Variants in NSD2 observed in about 807,000 individuals in gnomAD.
NSD2 encodes the protein histone-lysine N-methyltransferase NSD2.
NSD2 carries 12 observed loss-of-function variants against 139.0 expected under a neutral mutation model. That is an observed-to-expected ratio of 0.09 (90% CI 0.06 to 0.14). The LOEUF (loss-of-function observed/expected upper bound fraction) is 0.14, where lower values mean the gene tolerates loss of function less well. NSD2 is among the 10% of genes least tolerant of loss of function. NSD2 has a pLI of 1.00. For missense variants in NSD2, 1,155 were observed against 1,745.0 expected, an observed-to-expected ratio of 0.66 and a Z score of 6.02; for synonymous variants, 669 against 648.7, an observed-to-expected ratio of 1.03 and a Z score of -0.48.
At chr4:1,940,350 C>G (rs539388425) in intron 9 of NSD2, 2 of 1,067,672 alleles carry the variant, frequency 1.9e-6, no homozygotes, top group African/African-American at 3.3e-5. Context: ...TAATATGACT[C>G]CTGTGTTCTG....
chr4:1,871,777 C>T (rs1329954592), intron 1 of NSD2, among the ~76,000 whole-genome samples: 5 of 147,076 alleles, frequency 3.4e-5, no homozygotes, highest in Non-Finnish European at 6.0e-5. Context: ...CCGCGGAGGC[C>T]TGAGGGCCGG....
intron 8 of NSD2, chr4:1,939,239 C>T (rs558942784): frequency 2.1e-4 from 34 of 161,504 alleles, no homozygotes; most frequent in South Asian, 6.8e-4. Context: ...GACATTTGAA[C>T]GCTAGCTGAT....
At chr4:1,901,325 C>A in intron 2 of NSD2, 74 bp downstream of exon 2, 1 of 1,303,636 alleles carries the variant, frequency 7.7e-7, no homozygotes, top group Non-Finnish European at 1.1e-6. Context: ...AGGGCACCTG[C>A]ACGAGTACTG....
chr4:1,976,785 C>A lies in NSD2; in HGVS notation c.3826+106C>A. 1 of 1,216,840 alleles carries A rather than the reference C, an allele frequency of 8.2e-7. No homozygotes were observed. The highest frequency in any genetic ancestry group is 1.1e-6 in the Non-Finnish European group (1 of 888,334). The allele number at this position is 1,216,840 out of a possible 1,614,324, so 75.4% of individuals were successfully genotyped here. On this transcript the variant is annotated intron_variant, in intron 21 of 21. Transcript: ENST00000508803. This position sits in a 1 kb window ranked among gnomAD's most constrained non-coding sequence, Gnocchi z 5.3. ...TGACCGGGCCTCATCTGGGTGCAGG[C>A]ACATCAGGCGCTCATGCAGCGAAGG...
At position 1,976,612 on chromosome 4, in the gene NSD2, G is replaced by A. The variant is rs757155869; in HGVS notation, c.3759G>A (p.Leu1253=). The stretch of plus-strand genomic sequence containing the variant: ...GCGGTGATGGCGGGCAGCTGGTGCT[G>A]TGTGACCGCAAGTTCTGCACCAAGG... ...FRCGDGGQLV[L]CDRKFCTKAY... Residue 1253 remains leucine (L), a synonymous_variant, in exon 21 of 22, where the codon CTG becomes CTA. Coordinates refer to ENST00000508803, the MANE Select transcript of NSD2 (RefSeq NM_001042424.3). The surrounding 1 kb of genome is among the most constrained non-coding windows in gnomAD (Gnocchi z 5.3). 3 of 1,609,682 alleles carry A rather than the reference G, an allele frequency of 1.9e-6. No homozygotes were observed. The highest frequency in any genetic ancestry group is 2.5e-6 in the Non-Finnish European group (3 of 1,178,140).
chr4:1,957,114 G>A (rs1051318593), intron 15 of NSD2, among the ~76,000 whole-genome samples: 11 of 152,146 alleles, frequency 7.2e-5, no homozygotes, highest in African/African-American at 2.7e-4. Flanking sequence ...CTGACTTGGG[G>A]CTGCAAAAAC....
chr4:1,874,731 C>G (rs1252815105), intron 1 of NSD2, among the ~76,000 whole-genome samples: 2 of 152,128 alleles, frequency 1.3e-5, no homozygotes, highest in South Asian at 2.1e-4. Flanking sequence ...AGCAAGAAAT[C>G]TACCTCGTCA....
intron 6 of NSD2, among the ~76,000 whole-genome samples, chr4:1,931,204 G>A (rs1721594286): frequency 6.6e-6 from 1 of 152,164 alleles, no homozygotes; most frequent in Non-Finnish European, 1.5e-5. Context: ...TCCTGGTTTC[G>A]GCTGTAGTCT....
intron 1 of NSD2, among the ~76,000 whole-genome samples, chr4:1,891,308 G>A (rs929680116): frequency 6.6e-6 from 1 of 152,180 alleles, no homozygotes; most frequent in East Asian, 1.9e-4. Flanking sequence ...GGTATTTTAG[G>A]TATGTGTAAA....
At chr4:1,941,297 C>T (rs991719843) in intron 9 of NSD2, 6 of 1,055,366 alleles carry the variant, frequency 5.7e-6, no homozygotes, top group East Asian at 5.3e-5. Context: ...AATTTTGGTC[C>T]GGTTATTCAC....
At chr4:1,975,486 T>A (rs1726977710) in intron 20 of NSD2, 86 bp downstream of exon 20, 2 of 1,251,584 alleles carry the variant, frequency 1.6e-6, no homozygotes, top group South Asian at 1.3e-5. Flanking sequence ...GAACAGCGGC[T>A]TCCTCCAGGC....
chr4:1,963,766 C>A (rs1348710887), intron 18 of NSD2, among the ~76,000 whole-genome samples: 2 of 152,222 alleles, frequency 1.3e-5, no homozygotes, highest in Non-Finnish European at 2.9e-5. Context: ...GTAATCCCAG[C>A]ACTTTGGAAG....
intron 1 of NSD2, among the ~76,000 whole-genome samples, chr4:1,897,482 C>G (rs1716514756): frequency 6.6e-6 from 1 of 151,312 alleles, no homozygotes; most frequent in Admixed American, 6.6e-5. Flanking sequence ...TAGTGAGACC[C>G]TGTCTCAAGG....
In NSD2 at chr4:1,897,349, G is replaced by A. The variant is rs151265726; in HGVS notation, c.-29-3277G>A. On this transcript the variant is annotated intron_variant, in intron 1 of 21. Coordinates refer to ENST00000508803, the MANE Select transcript of NSD2 (RefSeq NM_001042424.3). ...AGGGTTAAAAAGTTAGCTGAGCATG[G>A]TGGGGTGCACCTATAGTCCCAGCTA... Among the ~76,000 whole-genome samples the A allele has an allele frequency of 7.5e-3, 1,139 of 152,216 alleles. 8 individuals are homozygous for A. The highest frequency in any genetic ancestry group is 0.061 in the Middle Eastern group (18 of 294).
At chr4:1,901,816 T>C (rs1328766176) in intron 2 of NSD2, among the ~76,000 whole-genome samples, 1 of 152,200 alleles carries the variant, frequency 6.6e-6, no homozygotes, top group Non-Finnish European at 1.5e-5. Flanking sequence ...TAGGGATGTG[T>C]CTTTTGCCTC....
intron 3 of NSD2, among the ~76,000 whole-genome samples, chr4:1,914,028 C>T (rs1305891328): frequency 2.6e-5 from 4 of 152,018 alleles, no homozygotes; most frequent in Admixed American, 6.6e-5. Flanking sequence ...GAGTATGCTA[C>T]TTTTGTTTTT....
At chr4:1,969,347 C>T (rs966120603) in intron 18 of NSD2, among the ~76,000 whole-genome samples, 3 of 152,106 alleles carry the variant, frequency 2.0e-5, no homozygotes, top group African/African-American at 7.2e-5. Flanking sequence ...AAACCTGGGA[C>T]CCAGCCAGTA....
At chr4:1,913,929 T>C (rs1372592475) in intron 3 of NSD2, among the ~76,000 whole-genome samples, 1 of 152,248 alleles carries the variant, frequency 6.6e-6, no homozygotes. Flanking sequence ...CTGTGTTCTT[T>C]CTTGGTTAAG....
chr4:1,887,188 C>G (rs1362193163), intron 1 of NSD2, among the ~76,000 whole-genome samples: 1 of 152,186 alleles, frequency 6.6e-6, no homozygotes, highest in African/African-American at 2.4e-5. Flanking sequence ...GGGCTTCATT[C>G]TTCCCAGTGT....
Sources: gnomAD v4.1 joint callset for allele counts (sites outside exome capture counted in the v4.1 genomes callset) on GRCh38, gnomAD v4.1.1 for gene constraint, Gnocchi (gnomAD v3.1) non-coding constraint, MANE v1.5 for transcripts, NCBI Gene and HGNC (gene_info 2026-07-23, HGNC 2026-07-21) for gene names.